PDLIM5: variants seen among roughly 807,000 people sequenced by gnomAD.
PDLIM5 encodes the protein PDZ and LIM domain protein 5.
Under a neutral mutation model 64.2 loss-of-function variants are expected in PDLIM5, and 34 were observed. The observed-to-expected ratio is 0.53, with a 90% CI of 0.40 to 0.71. The LOEUF (loss-of-function observed/expected upper bound fraction) is 0.71. PDLIM5 is among the 30% of genes least tolerant of loss of function. The probability of loss-of-function intolerance (pLI) is 0.00; values close to 1 mark genes in which losing one functional copy is unlikely to be tolerated. For missense variants in PDLIM5, 683 were observed against 733.6 expected, an observed-to-expected ratio of 0.93 and a Z score of 0.80; for synonymous variants, 253 against 269.1, an observed-to-expected ratio of 0.94 and a Z score of 0.59.
chr4:94,609,469 C>G (rs910145116), intron 7 of PDLIM5, among the ~76,000 whole-genome samples: 2 of 152,064 alleles, frequency 1.3e-5, no homozygotes, highest in African/African-American at 2.4e-5. Flanking sequence ...AAATGCTATA[C>G]CTGCATTTAA....
At chr4:94,477,481 T>C (rs868188070) in intron 2 of PDLIM5, among the ~76,000 whole-genome samples, 20 of 152,322 alleles carry the variant, frequency 1.3e-4, no homozygotes, top group Middle Eastern at 3.4e-3. Flanking sequence ...ATCTGAGAGA[T>C]ACTTCCTTTT....
At chr4:94,605,692 C>T (rs1359123020) in intron 7 of PDLIM5, among the ~76,000 whole-genome samples, 3 of 152,126 alleles carry the variant, frequency 2.0e-5, no homozygotes, top group Admixed American at 1.3e-4. Context: ...ATACGTGTAA[C>T]ACATGGGAAA....
At chr4:94,542,572 C>G (rs547247824) in intron 3 of PDLIM5, among the ~76,000 whole-genome samples, 1 of 152,010 alleles carries the variant, frequency 6.6e-6, no homozygotes, top group Non-Finnish European at 1.5e-5. Context: ...ATGGACTGCT[C>G]GAGTGGCTAA....
chr4:94,519,573 G>T (rs1200329413), intron 2 of PDLIM5, among the ~76,000 whole-genome samples: 1 of 152,110 alleles, frequency 6.6e-6, no homozygotes, highest in Non-Finnish European at 1.5e-5. Flanking sequence ...ATTTAATCAC[G>T]TTGAAGCTCT....
intron 8 of PDLIM5, among the ~76,000 whole-genome samples, chr4:94,626,551 G>A (rs1435215037): frequency 6.6e-6 from 1 of 152,234 alleles, no homozygotes; most frequent in South Asian, 2.1e-4. Context: ...TCTTGCCTTG[G>A]ATAATAGGGA....
rs769445069 is a variant in PDLIM5 at position 94,575,724 on chromosome 4, T to G, written c.400T>G (p.Ser134Ala). 1.2e-6 allele frequency: 2 copies of G among 1,614,154 alleles called. No individual in the cohort carries two copies. Among genetic ancestry groups the G allele is most frequent in the East Asian group, 4.5e-5 (2 of 44,882 alleles). ...CAATAAGGCACCACGGCCTTTTGGT[T>G]CTGTGTCTTCACCAAAAGTCACATC... ...AYNKAPRPFG[S>A]VSSPKVTSIP... The change falls in exon 5 of 13, where the codon TCT becomes GCT. Residue 134 changes from serine to alanine, a missense_variant. Transcript: ENST00000317968.
At position 94,478,890 on chromosome 4, in the gene PDLIM5, G is replaced by GTTTTTTTTTTTT. The variant is rs67013211; in HGVS notation, c.96+23522_96+23533dup. On this transcript the variant is annotated intron_variant, in intron 2 of 12. Transcript: ENST00000317968. ...CCAAAAGAAGGTAGGTGTGCTTGGT[G>GTTTTTTTTTTTT]TTTTTTTTTTTTTTTTTTTTTTTTT... 9.6e-4 allele frequency among the ~76,000 whole-genome samples: 90 copies of GTTTTTTTTTTTT among 94,084 alleles called. 10 individuals are homozygous for GTTTTTTTTTTTT. The highest frequency in any genetic ancestry group is 3.8e-3 in the African/African-American group (85 of 22,356). 61.7% of individuals were successfully genotyped at this position (94,084 alleles called of 152,430 possible).
chr4:94,460,223 G>GT (rs1377875976), intron 2 of PDLIM5, among the ~76,000 whole-genome samples: 2 of 152,088 alleles, frequency 1.3e-5, no homozygotes, highest in Non-Finnish European at 2.9e-5. Context: ...AGTTTTATAT[G>GT]TTTTGTGGTC....
intron 3 of PDLIM5, among the ~76,000 whole-genome samples, chr4:94,528,362 A>C (rs1730560275): frequency 6.6e-6 from 1 of 152,202 alleles, no homozygotes; most frequent in Admixed American, 6.5e-5. Flanking sequence ...TATAATCAGG[A>C]ATAACAAGGG....
At chr4:94,533,880 A>G (rs1731100548) in intron 3 of PDLIM5, among the ~76,000 whole-genome samples, 1 of 152,194 alleles carries the variant, frequency 6.6e-6, no homozygotes, top group African/African-American at 2.4e-5. Flanking sequence ...TCATTACCTG[A>G]CAAAGTCAGA....
At chr4:94,539,888 G>A (rs1478606369) in intron 3 of PDLIM5, among the ~76,000 whole-genome samples, 3 of 152,054 alleles carry the variant, frequency 2.0e-5, no homozygotes, top group African/African-American at 7.2e-5. Flanking sequence ...GATGGTTAGA[G>A]GGTTGGGAGG....
At chr4:94,630,497 A>T (rs11725849) in intron 8 of PDLIM5, among the ~76,000 whole-genome samples, 62,156 of 151,614 alleles carry the variant, frequency 0.41, 13,557 homozygotes, top group South Asian at 0.67. Context: ...GCCTCGGCCT[A>T]ACAGTAGCTA....
At chr4:94,577,001 T>C (rs1459639349) in intron 5 of PDLIM5, among the ~76,000 whole-genome samples, 3 of 152,160 alleles carry the variant, frequency 2.0e-5, no homozygotes, top group African/African-American at 7.2e-5. Context: ...AATAATTCTT[T>C]TCTATAATGT....
chr4:94,502,423 T>G (rs1283700606), intron 2 of PDLIM5, among the ~76,000 whole-genome samples: 1 of 152,168 alleles, frequency 6.6e-6, no homozygotes, highest in Non-Finnish European at 1.5e-5. Flanking sequence ...CACATGGTGG[T>G]CATGAGATGG....
intron 5 of PDLIM5, among the ~76,000 whole-genome samples, chr4:94,580,968 A>C (rs529153300): frequency 6.6e-6 from 1 of 152,232 alleles, no homozygotes; most frequent in Admixed American, 6.6e-5. Flanking sequence ...GCGGTTGGGG[A>C]ATCTATTCCA....
At chr4:94,561,019 G>A (rs1021403080) in intron 3 of PDLIM5, among the ~76,000 whole-genome samples, 3 of 152,082 alleles carry the variant, frequency 2.0e-5, no homozygotes, top group Non-Finnish European at 2.9e-5. Flanking sequence ...GAGCCACCGC[G>A]CCCAGCCAAC....
chr4:94,486,418 A>G (rs1578235831), intron 2 of PDLIM5, among the ~76,000 whole-genome samples: 1 of 152,326 alleles, frequency 6.6e-6, no homozygotes, highest in African/African-American at 2.4e-5. Context: ...ATGCTGAAAT[A>G]GCTTTTCTCA....
chr4:94,530,867 A>G (rs1730815668), intron 3 of PDLIM5, among the ~76,000 whole-genome samples: 1 of 152,200 alleles, frequency 6.6e-6, no homozygotes, highest in African/African-American at 2.4e-5. Flanking sequence ...GACTGAAGCT[A>G]TTAGCCATCT....
At chr4:94,456,002 A>T in intron 2 of PDLIM5, 1 of 1,406,014 alleles carries the variant, frequency 7.1e-7, no homozygotes, top group South Asian at 1.5e-5. Context: ...ATATGTTTTC[A>T]TGATGATGAT....
Sources: allele counts gnomAD v4.1 joint callset (sites outside exome capture counted in the v4.1 genomes callset), GRCh38; gene constraint gnomAD v4.1.1; transcripts MANE v1.5; gene names NCBI Gene and HGNC (gene_info 2026-07-23, HGNC 2026-07-21).